Variants in PLXDC1 observed in about 807,000 individuals in gnomAD.
PLXDC1 encodes plexin domain containing 1.
A neutral mutation model predicts 61.3 loss-of-function variants in PLXDC1; 39 were observed. The ratio of observed to expected loss-of-function variants is 0.64; its 90% CI spans 0.49 to 0.83. The LOEUF (loss-of-function observed/expected upper bound fraction) is 0.83. Ranked by LOEUF, PLXDC1 falls within the 40% of genes least tolerant of loss-of-function variation. The pLI, the probability that PLXDC1 is intolerant of heterozygous loss-of-function variation, is 0.00. For missense variants in PLXDC1, 596 were observed against 666.5 expected (o/e 0.89, Z 1.17); for synonymous variants, 212 against 254.5 (o/e 0.83, Z 1.59).
At chr17:39,090,614 C>T (rs1011994837) in intron 7 of PLXDC1, among the ~76,000 whole-genome samples, 1 of 152,150 alleles carries the variant, frequency 6.6e-6, no homozygotes, top group African/African-American at 2.4e-5. Flanking sequence ...ACACATGGGG[C>T]TGGTGATGCC....
intron 2 of PLXDC1, among the ~76,000 whole-genome samples, chr17:39,111,021 G>T (rs1910780702): frequency 6.6e-6 from 1 of 152,106 alleles, no homozygotes; most frequent in Non-Finnish European, 1.5e-5. Flanking sequence ...TGAAGACACT[G>T]TCCTCGAGAC....
chr17:39,125,963 G>A (rs550844862), intron 2 of PLXDC1, among the ~76,000 whole-genome samples: 1 of 152,082 alleles, frequency 6.6e-6, no homozygotes, highest in Non-Finnish European at 1.5e-5. Flanking sequence ...TCAAACATGA[G>A]TGCACATGGG....
chr17:39,089,262 T>C (rs1598191002), intron 7 of PLXDC1, among the ~76,000 whole-genome samples: 2 of 152,348 alleles, frequency 1.3e-5, no homozygotes, highest in South Asian at 4.1e-4. Flanking sequence ...GGCCACGCTG[T>C]GATTGTTCCA....
At chr17:39,091,385 G>A (rs910405027) in intron 7 of PLXDC1, among the ~76,000 whole-genome samples, 1 of 152,208 alleles carries the variant, frequency 6.6e-6, no homozygotes, top group Non-Finnish European at 1.5e-5. Flanking sequence ...TTCCTACCAG[G>A]AGGATGACAG....
Position 39,084,802 on chromosome 17 carries a change from C to G in PLXDC1, c.908-1262G>C, listed in dbSNP as rs146223150. On this transcript the variant is annotated intron_variant, in intron 8 of 13. Transcript: ENST00000315392. ...GGCGCGTGAACCCTTCTGGCACAGGCCAGGCACAGGAGCAGCAGGGCAGGG... is the reference window on the plus strand; with the variant it reads ...GGCGCGTGAACCCTTCTGGCACAGGGCAGGCACAGGAGCAGCAGGGCAGGG... 8.3e-3 allele frequency among the ~76,000 whole-genome samples: 1,257 copies of G among 152,312 alleles called. 22 individuals are homozygous for G. The highest frequency in any genetic ancestry group is 0.028 in the African/African-American group (1,179 of 41,560).
At chr17:39,126,692 C>A (rs1210214827) in intron 2 of PLXDC1, among the ~76,000 whole-genome samples, 1 of 152,178 alleles carries the variant, frequency 6.6e-6, no homozygotes, top group Non-Finnish European at 1.5e-5. Context: ...CATATTCACG[C>A]TCACTCATCC....
intron 2 of PLXDC1, among the ~76,000 whole-genome samples, chr17:39,134,618 T>C (rs1911677202): frequency 7.0e-6 from 1 of 143,800 alleles, no homozygotes; most frequent in African/African-American, 2.7e-5. Flanking sequence ...AGAGCAAGAC[T>C]TTGTCTCTAA....
intron 2 of PLXDC1, among the ~76,000 whole-genome samples, chr17:39,133,887 G>A (rs1381869448): frequency 6.6e-6 from 1 of 152,080 alleles, no homozygotes; most frequent in Non-Finnish European, 1.5e-5. Flanking sequence ...TCAGCATCCC[G>A]AAGTGCTGGG....
chr17:39,069,295 G>C (rs1368843385), intron 13 of PLXDC1, among the ~76,000 whole-genome samples: 1 of 151,988 alleles, frequency 6.6e-6, no homozygotes, highest in Non-Finnish European at 1.5e-5. Context: ...TTGTAGAGAC[G>C]GGGTCTCACT....
chr17:39,063,509 A>T lies in PLXDC1; in HGVS notation c.*4331T>A. 1.4e-6 allele frequency: 1 copy of T among 702,984 alleles called. No individual in the cohort carries two copies. The allele number at this position is 702,984 out of a possible 1,614,324, so 43.5% of individuals were successfully genotyped here. ...GAGGCTGTTCCCACAGTCATGTCTCAGCGAAGAAGTCGGAGTTCAGCAGCC... is the reference window on the plus strand; with the variant it reads ...GAGGCTGTTCCCACAGTCATGTCTCTGCGAAGAAGTCGGAGTTCAGCAGCC... On this transcript the variant is annotated 3_prime_UTR_variant, in exon 14 of 14. Transcript: ENST00000315392.
chr17:39,109,140 T>C (rs925472609), intron 3 of PLXDC1, 108 bp downstream of exon 3: 2 of 1,439,432 alleles, frequency 1.4e-6, no homozygotes, highest in Non-Finnish European at 1.9e-6. Context: ...GGAAGGTACC[T>C]CCCAGGTCAC....
chr17:39,075,176 C>G (rs950880884), intron 11 of PLXDC1, among the ~76,000 whole-genome samples: 1 of 152,198 alleles, frequency 6.6e-6, no homozygotes, highest in African/African-American at 2.4e-5. Context: ...CCAGGCTGGT[C>G]TCGAACTCCT....
chr17:39,092,128 G>T (rs1909978393), intron 7 of PLXDC1, among the ~76,000 whole-genome samples: 1 of 151,920 alleles, frequency 6.6e-6, no homozygotes, highest in Non-Finnish European at 1.5e-5. Context: ...ACCCAGGCTG[G>T]AGTGTAATGG....
Position 39,092,407 on chromosome 17 carries a change from A to C in PLXDC1, c.812-4705T>G, listed in dbSNP as rs546265440. Among the ~76,000 whole-genome samples the C allele has an allele frequency of 6.6e-5, 10 of 152,366 alleles. No individual in the cohort carries two copies. The South Asian group carries it at 2.1e-3, about 32-fold the overall frequency. ...TACAATTTACCAAGCCTAGCCATTA[A>C]GTAGACGGAAAACATCTACTTAAAC... On this transcript the variant is annotated intron_variant, in intron 7 of 13. Transcript: ENST00000315392.
chr17:39,082,613 A>T (rs943097904), intron 9 of PLXDC1, among the ~76,000 whole-genome samples: 3 of 151,704 alleles, frequency 2.0e-5, no homozygotes, highest in African/African-American at 7.3e-5. Flanking sequence ...GCAGCACGAC[A>T]GCTGCACAGG....
intron 4 of PLXDC1, 22 bp from the exon 5 acceptor site, chr17:39,108,267 G>C (rs200730916): frequency 5.3e-4 from 862 of 1,613,114 alleles, no homozygotes; most frequent in Non-Finnish European, 5.9e-4. Flanking sequence ...GAGGTGCAGA[G>C]GAGTCACCAG....
At chr17:39,098,960 C>T (rs1910323318) in intron 7 of PLXDC1, among the ~76,000 whole-genome samples, 1 of 152,144 alleles carries the variant, frequency 6.6e-6, no homozygotes, top group African/African-American at 2.4e-5. Context: ...GGATTTTGAC[C>T]TGACCTGTGG....
intron 2 of PLXDC1, among the ~76,000 whole-genome samples, chr17:39,114,946 G>A (rs1567765517): frequency 6.6e-6 from 1 of 152,228 alleles, no homozygotes; most frequent in Non-Finnish European, 1.5e-5. Context: ...CTCTGCAGTT[G>A]TGAAGCCCAA....
intron 8 of PLXDC1, among the ~76,000 whole-genome samples, chr17:39,087,018 G>A (rs573089792): frequency 1.3e-5 from 2 of 152,158 alleles, no homozygotes; most frequent in Non-Finnish European, 2.9e-5. Flanking sequence ...ACTCCTTCCC[G>A]CAGTCTCAGC....
Sources: gnomAD v4.1 joint callset for allele counts (sites outside exome capture counted in the v4.1 genomes callset) on GRCh38, gnomAD v4.1.1 for gene constraint, MANE v1.5 for transcripts, NCBI Gene and HGNC (gene_info 2026-07-23, HGNC 2026-07-21) for gene names.